The following FLT1 variants were observed in gnomAD, a reference collection of about 807,000 sequenced individuals.
The protein encoded by FLT1 is vascular endothelial growth factor receptor 1.
A neutral mutation model predicts 156.3 loss-of-function variants in FLT1; 49 were observed. The ratio of observed to expected loss-of-function variants is 0.31; its 90% CI spans 0.25 to 0.40. The LOEUF is 0.40. FLT1 is among the 10% of genes least tolerant of loss of function. The pLI is 1.00. For synonymous variants in FLT1, 594 were observed against 583.8 expected (o/e 1.02, Z -0.25); for missense variants, 1,322 against 1,637.2 (o/e 0.81, Z 3.32).
At chr13:28,453,852 T>C (rs1879118020) in intron 3 of FLT1, among the ~76,000 whole-genome samples, 1 of 152,204 alleles carries the variant, frequency 6.6e-6, no homozygotes, top group Admixed American at 6.5e-5. Context: ...GTCCTGGGGC[T>C]ATCATGGTAA....
intron 23 of FLT1, among the ~76,000 whole-genome samples, chr13:28,320,017 GAGA>G (rs1328454193): frequency 6.6e-6 from 1 of 152,192 alleles, no homozygotes; most frequent in Non-Finnish European, 1.5e-5. Flanking sequence ...TCAGAAAGAA[GAGA>G]AGAAGGAAAG....
intron 4 of FLT1, among the ~76,000 whole-genome samples, chr13:28,436,561 C>T (rs1053828043): frequency 6.6e-6 from 1 of 152,134 alleles, no homozygotes; most frequent in Non-Finnish European, 1.5e-5. Flanking sequence ...TTGGAATGCT[C>T]CTGATGACCA....
At chr13:28,429,560 C>A (rs1019650458) in intron 8 of FLT1, among the ~76,000 whole-genome samples, 6 of 152,108 alleles carry the variant, frequency 3.9e-5, no homozygotes, top group African/African-American at 1.4e-4. Flanking sequence ...GCCCCATCGT[C>A]CCCCTCTTCA....
At chr13:28,374,101 A>G (rs1054162471) in intron 14 of FLT1, among the ~76,000 whole-genome samples, 9 of 152,208 alleles carry the variant, frequency 5.9e-5, no homozygotes, top group Non-Finnish European at 1.3e-4. Context: ...GTAACTAGAT[A>G]GTGGTGATGG....
At chr13:28,395,329 T>C (rs1300605954) in intron 12 of FLT1, among the ~76,000 whole-genome samples, 1 of 152,178 alleles carries the variant, frequency 6.6e-6, no homozygotes, top group Non-Finnish European at 1.5e-5. Context: ...TCCCACCTTC[T>C]CTCTTCCTGT....
At chr13:28,333,811 A>G (rs1337558504) in intron 18 of FLT1, among the ~76,000 whole-genome samples, 1 of 152,204 alleles carries the variant, frequency 6.6e-6, no homozygotes, top group Non-Finnish European at 1.5e-5. Flanking sequence ...TCCTATGGAC[A>G]GTGCTGGATT....
intron 27 of FLT1, 102 bp downstream of exon 27, chr13:28,311,480 TTCTTTCTC>T (rs1870997936): frequency 1.0e-6 from 1 of 955,994 alleles, no homozygotes; most frequent in Non-Finnish European, 1.6e-6. Context: ...CTCTCTTTCT[TTCTTTCTC>T]TCTTTCTTTC....
chr13:28,413,627 T>A (rs189546617), intron 10 of FLT1, among the ~76,000 whole-genome samples: 6 of 152,044 alleles, frequency 3.9e-5, no homozygotes, highest in Admixed American at 1.3e-4. Context: ...ATATTAGGAG[T>A]GCCTACAAAA....
intron 10 of FLT1, among the ~76,000 whole-genome samples, chr13:28,418,153 A>G (rs538723382): frequency 1.8e-4 from 28 of 152,278 alleles, no homozygotes; most frequent in African/African-American, 6.0e-4. Flanking sequence ...AAGCAGGCCC[A>G]TTAACTGTTA....
rs138597745 is a variant in FLT1, at chr13:28,371,849, A to T, written c.2116+13036T>A. On this transcript the variant is annotated intron_variant, in intron 14 of 29. Transcript: ENST00000282397. The stretch of plus-strand genomic sequence containing the variant: ...GTCAGGCATCCTCTTGGGGTCTTGG[A>T]ACAGGTCCCCTGTGGATAAGGGGAC... Among the ~76,000 whole-genome samples, 16 of 151,888 alleles carry T rather than the reference A, an allele frequency of 1.1e-4. 1 individual carries two copies. In the East Asian group the frequency reaches 3.1e-3, roughly 29 times the overall value.
chr13:28,456,087 A>G (rs1353182406), intron 3 of FLT1, among the ~76,000 whole-genome samples: 1 of 152,184 alleles, frequency 6.6e-6, no homozygotes, highest in Non-Finnish European at 1.5e-5. Context: ...TAGCCTTTCT[A>G]TTGCCCTAAA....
intron 15 of FLT1, among the ~76,000 whole-genome samples, chr13:28,354,354 T>C (rs1239277557): frequency 6.6e-6 from 1 of 152,190 alleles, no homozygotes; most frequent in Non-Finnish European, 1.5e-5. Context: ...TATTCTTATA[T>C]AGACTTGAAA....
chr13:28,318,114 A>G (rs1871279323), intron 24 of FLT1, among the ~76,000 whole-genome samples: 1 of 151,864 alleles, frequency 6.6e-6, no homozygotes, highest in African/African-American at 2.4e-5. Flanking sequence ...GCTCACCATC[A>G]CCACACTTGG....
At chr13:28,386,389 CAG>C in intron 13 of FLT1, 1 of 1,020,878 alleles carries the variant, frequency 9.8e-7, no homozygotes, top group Non-Finnish European at 1.2e-6. Flanking sequence ...TTAGGAGAAA[CAG>C]ATTTCTCAAT....
chr13:28,372,984 A>C (rs1873689046), intron 14 of FLT1, among the ~76,000 whole-genome samples: 1 of 152,208 alleles, frequency 6.6e-6, no homozygotes, highest in South Asian at 2.1e-4. Context: ...TGAAAAGTTT[A>C]AAAGCTATAT....
At chr13:28,457,586 G>A (rs1879335649) in intron 3 of FLT1, among the ~76,000 whole-genome samples, 1 of 152,014 alleles carries the variant, frequency 6.6e-6, no homozygotes, top group East Asian at 1.9e-4. Flanking sequence ...AATAGTTAAA[G>A]GAAAAACTGT....
chr13:28,327,559 A>G lies in FLT1; in HGVS notation c.2708-9T>C, dbSNP rs1206054191. 1.3e-6 allele frequency: 2 copies of G among 1,581,484 alleles called. No homozygotes were observed. The highest frequency in any genetic ancestry group is 1.7e-6 in the Non-Finnish European group (2 of 1,150,430). On this transcript the variant is annotated splice_polypyrimidine_tract_variant and intron_variant, in intron 19 of 29. Transcript: ENST00000282397. ...AATCACCATCAGAGGCCCTGCAGCCAAAACAGCACATGCTCATGCTCAGCC... is the reference window on the plus strand; with the variant it reads ...AATCACCATCAGAGGCCCTGCAGCCGAAACAGCACATGCTCATGCTCAGCC...
chr13:28,353,736 T>G lies in FLT1; in HGVS notation c.2248+3818A>C, dbSNP rs565736079. 3.3e-5 allele frequency among the ~76,000 whole-genome samples: 5 copies of G among 152,296 alleles called. No individual in the cohort carries two copies. The South Asian group carries it at 1.0e-3, about 32-fold the overall frequency. ...AGAAATGATTTTAGTTACTAACACT[T>G]CTGTTGTCGGTTTTGATATGGAATT... On this transcript the variant is annotated intron_variant, in intron 15 of 29. Transcript: ENST00000282397.
chr13:28,390,948 T>G (rs1465502155), intron 12 of FLT1, among the ~76,000 whole-genome samples: 2 of 152,218 alleles, frequency 1.3e-5, no homozygotes, highest in African/African-American at 4.8e-5. Context: ...CTCCTGCTCC[T>G]GTCCCAGATT....
Sources: gnomAD v4.1 joint callset for allele counts (sites outside exome capture counted in the v4.1 genomes callset) on GRCh38, gnomAD v4.1.1 for gene constraint, MANE v1.5 for transcripts, NCBI Gene and HGNC (gene_info 2026-07-23, HGNC 2026-07-21) for gene names.